SRGAP3: variants seen among roughly 807,000 people sequenced by gnomAD.
SRGAP3 encodes SLIT-ROBO Rho GTPase activating protein 3.
SRGAP3 carries 39 observed loss-of-function variants against 121.1 expected under a neutral mutation model. The ratio of observed to expected loss-of-function variants is 0.32; its 90% CI spans 0.25 to 0.42. The LOEUF (loss-of-function observed/expected upper bound fraction) is 0.42. Ranked by LOEUF, SRGAP3 falls within the 10% of genes least tolerant of loss-of-function variation. The probability of loss-of-function intolerance (pLI) is 1.00; values close to 1 mark genes in which losing one functional copy is unlikely to be tolerated. For synonymous variants in SRGAP3, 601 were observed against 570.0 expected (o/e 1.05, Z -0.77); for missense variants, 1,213 against 1,470.6 (o/e 0.82, Z 2.86).
At chr3:9,131,308 G>A (rs1949435711) in intron 1 of SRGAP3, among the ~76,000 whole-genome samples, 1 of 152,036 alleles carries the variant, frequency 6.6e-6, no homozygotes, top group African/African-American at 2.4e-5. Flanking sequence ...AGGAGGGAAA[G>A]GGGTTGGAAA....
At chr3:9,082,886 T>C (rs564187942) in intron 3 of SRGAP3, among the ~76,000 whole-genome samples, 1 of 152,244 alleles carries the variant, frequency 6.6e-6, no homozygotes, top group South Asian at 2.1e-4. Flanking sequence ...GAATCACCCC[T>C]CTGAAGGTGG....
chr3:9,021,657 C>T (rs1194095294), intron 14 of SRGAP3, among the ~76,000 whole-genome samples: 1 of 152,158 alleles, frequency 6.6e-6, no homozygotes, highest in East Asian at 1.9e-4. Flanking sequence ...CTTTCAACAG[C>T]CTTAAGCAAG....
intron 1 of SRGAP3, among the ~76,000 whole-genome samples, chr3:9,198,315 A>G (rs547216495): frequency 2.6e-5 from 4 of 152,302 alleles, no homozygotes; most frequent in African/African-American, 9.6e-5. Flanking sequence ...GTGTTTTATT[A>G]TTTCTCTACA....
At chr3:9,129,453 T>A (rs1266961327) in intron 1 of SRGAP3, among the ~76,000 whole-genome samples, 1 of 143,804 alleles carries the variant, frequency 7.0e-6, no homozygotes, top group Non-Finnish European at 1.5e-5. Context: ...AAAGTTCATG[T>A]AGAGGGTAGG....
intron 3 of SRGAP3, among the ~76,000 whole-genome samples, chr3:9,291,939 C>T (rs1177732097): frequency 2.6e-5 from 4 of 152,168 alleles, no homozygotes; most frequent in Non-Finnish European, 5.9e-5. Flanking sequence ...CTAAATAGAG[C>T]CTCTTCTCTT....
chr3:9,268,979 G>C (rs1954422679), intron 3 of SRGAP3, among the ~76,000 whole-genome samples: 1 of 152,176 alleles, frequency 6.6e-6, no homozygotes, highest in Non-Finnish European at 1.5e-5. Context: ...CCTGCTCCAG[G>C]AGGCAGCACC....
In SRGAP3 at chr3:9,286,304, G is replaced by A. The variant is rs1022287078; in HGVS notation, n.442+39706C>T. 2.6e-5 allele frequency among the ~76,000 whole-genome samples: 4 copies of A among 152,114 alleles called. 1 individual carries two copies. On this transcript the variant is annotated intron_variant and non_coding_transcript_variant, in intron 3 of 3. Coordinates refer to the SRGAP3 transcript ENST00000490889. ...TTGAACCTGGTAATGGGTGAGGAAA[G>A]ATTTCTTCCAGCATGCCCCCCAACA...
chr3:9,041,012 A>G (rs962376299), intron 10 of SRGAP3, among the ~76,000 whole-genome samples: 16 of 152,234 alleles, frequency 1.1e-4, no homozygotes, highest in Non-Finnish European at 8.8e-5. Context: ...TGCTCAACAA[A>G]TATTTGTAGA....
At chr3:9,340,855 G>A (rs1229796051) in intron 1 of SRGAP3, among the ~76,000 whole-genome samples, 1 of 152,148 alleles carries the variant, frequency 6.6e-6, no homozygotes, top group East Asian at 1.9e-4. Context: ...GCCACTAAAA[G>A]AAAATCACCG....
exon 1 of SRGAP3, chr3:9,362,954 C>T (rs1406766513): frequency 6.6e-6 from 1 of 152,330 alleles, no homozygotes; most frequent in Non-Finnish European, 1.5e-5. Flanking sequence ...CAACAGCACA[C>T]AGCTTCCAGC....
At chr3:9,063,947 C>T (rs2125206684) in intron 5 of SRGAP3, among the ~76,000 whole-genome samples, 1 of 152,278 alleles carries the variant, frequency 6.6e-6, no homozygotes, top group Admixed American at 6.5e-5. Flanking sequence ...ACCAGCTTTC[C>T]AGGTGCTGGT....
At chr3:9,013,039 G>T (rs558779196) in intron 17 of SRGAP3, among the ~76,000 whole-genome samples, 4 of 152,226 alleles carry the variant, frequency 2.6e-5, no homozygotes, top group African/African-American at 9.6e-5. Context: ...TATACCTGAA[G>T]ATATATCCCC....
In SRGAP3 at chr3:9,104,767, G is replaced by A; in HGVS notation, c.336C>T (p.Asp112=). The change falls in exon 3 of 22, where the codon GAC becomes GAT. Residue 112 remains aspartate (D), a synonymous_variant. Transcript: ENST00000383836. Reference sequence around the variant, plus strand: ...TGAAGATGTCATTGAGGGTGGCATGGTCTCGGCTCTCCCGCCGGGTCTGAT... The same window carrying A: ...TGAAGATGTCATTGAGGGTGGCATGATCTCGGCTCTCCCGCCGGGTCTGAT... The part of the protein sequence containing the change: ...VLHQTRRESR[D]HATLNDIFMN... 1.2e-6 allele frequency: 2 copies of A among 1,614,268 alleles called. No homozygotes were observed. Among genetic ancestry groups the A allele is most frequent in the South Asian group, 1.1e-5 (1 of 91,084 alleles).
chr3:8,994,105 T>G (rs1246086958), intron 19 of SRGAP3: 3 of 550,920 alleles, frequency 5.4e-6, no homozygotes, highest in African/African-American at 3.8e-5. Context: ...TGCATCAGGA[T>G]GTAGGCCAGA....
chr3:9,344,458 A>C (rs967894287), intron 1 of SRGAP3, among the ~76,000 whole-genome samples: 11 of 152,036 alleles, frequency 7.2e-5, no homozygotes, highest in Non-Finnish European at 1.5e-4. Flanking sequence ...CTCAAAAAAA[A>C]CCAAAAATAA....
intron 12 of SRGAP3, among the ~76,000 whole-genome samples, chr3:9,028,512 A>C (rs1944320553): frequency 6.6e-6 from 1 of 152,186 alleles, no homozygotes; most frequent in African/African-American, 2.4e-5. Context: ...CCATGGACAA[A>C]AGCTACCTAC....
At chr3:9,044,738 A>C (rs1394331563) in intron 10 of SRGAP3, among the ~76,000 whole-genome samples, 1 of 152,214 alleles carries the variant, frequency 6.6e-6, no homozygotes, top group African/African-American at 2.4e-5. Flanking sequence ...TAGAAGAACC[A>C]AAACGCTCAG....
chr3:9,244,174 T>G (rs1953745129), intron 1 of SRGAP3, among the ~76,000 whole-genome samples: 1 of 152,218 alleles, frequency 6.6e-6, no homozygotes, highest in Non-Finnish European at 1.5e-5. Context: ...TCTCGAAGTT[T>G]TTGTGTTTGG....
chr3:9,111,696 G>C (rs1948629345), intron 2 of SRGAP3, among the ~76,000 whole-genome samples: 2 of 152,176 alleles, frequency 1.3e-5, no homozygotes, highest in South Asian at 4.1e-4. Flanking sequence ...TGCCCCTTTG[G>C]AAAGTGGAAC....
Sources: allele counts gnomAD v4.1 joint callset (sites outside exome capture counted in the v4.1 genomes callset), GRCh38; gene constraint gnomAD v4.1.1; transcripts MANE v1.5; gene names NCBI Gene and HGNC (gene_info 2026-07-23, HGNC 2026-07-21).